PBX1: variants seen among roughly 807,000 people sequenced by gnomAD.
The protein encoded by PBX1 is PBX homeobox 1.
In PBX1, 6 loss-of-function variants were observed where a neutral mutation model predicts 53.4. The ratio of observed to expected loss-of-function variants is 0.11; its 90% CI spans 0.06 to 0.22. The LOEUF (loss-of-function observed/expected upper bound fraction) is 0.22. PBX1 is among the 10% of genes least tolerant of loss of function. The pLI, the probability that PBX1 is intolerant of heterozygous loss-of-function variation, is 1.00. For missense variants in PBX1, 251 were observed against 551.4 expected (o/e 0.46, Z 5.46); for synonymous variants, 204 against 212.3 (o/e 0.96, Z 0.34).
chr1:164,702,401 A>C (rs1663173549), intron 2 of PBX1, among the ~76,000 whole-genome samples: 1 of 152,130 alleles, frequency 6.6e-6, no homozygotes, highest in African/African-American at 2.4e-5. Flanking sequence ...TATTTGCATT[A>C]CCTCATTCTG....
chr1:164,656,733 T>G (rs780125672), intron 2 of PBX1, among the ~76,000 whole-genome samples: 9 of 152,122 alleles, frequency 5.9e-5, no homozygotes, highest in Admixed American at 6.5e-5. Flanking sequence ...AATGCTAAAA[T>G]GTACAGGAAA....
chr1:164,631,286 CTTTTTTT>C (rs987731570), intron 2 of PBX1, among the ~76,000 whole-genome samples: 1 of 140,480 alleles, frequency 7.1e-6, no homozygotes, highest in Admixed American at 7.2e-5. Context: ...TTTTTTTTTT[CTTTTTTT>C]TTTTTCTACA....
chr1:164,679,390 G>C (rs1661619581), intron 2 of PBX1, among the ~76,000 whole-genome samples: 2 of 152,200 alleles, frequency 1.3e-5, no homozygotes. Flanking sequence ...CTACTGGGTG[G>C]GAGGGGTGCT....
intron 2 of PBX1, among the ~76,000 whole-genome samples, chr1:164,612,796 T>C (rs1033665978): frequency 2.0e-5 from 3 of 152,122 alleles, no homozygotes; most frequent in African/African-American, 7.2e-5. Context: ...TGCTGGTGTC[T>C]CATGAGATGT....
intron 2 of PBX1, among the ~76,000 whole-genome samples, chr1:164,755,469 T>A (rs766360332): frequency 1.6e-4 from 24 of 152,184 alleles, no homozygotes; most frequent in Admixed American, 7.2e-4. Flanking sequence ...GGTTATTTTT[T>A]AAAATGTACT....
chr1:164,860,126 T>C (rs1672063832), intron 2 of PBX1, among the ~76,000 whole-genome samples: 1 of 152,198 alleles, frequency 6.6e-6, no homozygotes, highest in African/African-American at 2.4e-5. Flanking sequence ...GGAAGGATGC[T>C]AGGCAGGAAT....
chr1:164,660,486 G>A (rs1389338303), intron 2 of PBX1, among the ~76,000 whole-genome samples: 1 of 152,228 alleles, frequency 6.6e-6, no homozygotes, highest in Non-Finnish European at 1.5e-5. Flanking sequence ...GGGATAAAGT[G>A]TAGGACCTGT....
chr1:164,822,944 G>T (rs886502180), intron 8 of PBX1, among the ~76,000 whole-genome samples: 2 of 152,158 alleles, frequency 1.3e-5, no homozygotes, highest in Admixed American at 1.3e-4. Flanking sequence ...TAGCTGCTTG[G>T]TAAGGATGTT....
chr1:164,713,180 C>T (rs1199132354), intron 2 of PBX1, among the ~76,000 whole-genome samples: 1 of 152,142 alleles, frequency 6.6e-6, no homozygotes, highest in African/African-American at 2.4e-5. Flanking sequence ...GAAGTTTCTG[C>T]CTCTTGGTAA....
intron 2 of PBX1, among the ~76,000 whole-genome samples, chr1:164,862,118 G>A (rs1672115176): frequency 6.6e-6 from 1 of 152,194 alleles, no homozygotes. Flanking sequence ...AGACCACAGG[G>A]AAGCAGGTTT....
chr1:164,774,772 G>T, intron 2 of PBX1: 1 of 152,264 alleles, frequency 6.6e-6, no homozygotes, highest in African/African-American at 2.4e-5. Flanking sequence ...CTCAACTGCT[G>T]TCTCCCAGTG....
At chr1:164,651,384 A>G (rs137900258) in intron 2 of PBX1, among the ~76,000 whole-genome samples, 30 of 151,800 alleles carry the variant, frequency 2.0e-4, no homozygotes, top group South Asian at 1.7e-3. Context: ...CACTGCTGAC[A>G]GTCCTCATGT....
At chr1:164,734,196 C>T (rs575830925) in intron 2 of PBX1, among the ~76,000 whole-genome samples, 2 of 152,278 alleles carry the variant, frequency 1.3e-5, no homozygotes, top group African/African-American at 2.4e-5. Context: ...GGAGTTATCT[C>T]CTTTCTCATT....
chr1:164,799,470 G>T (rs577610527), intron 3 of PBX1, among the ~76,000 whole-genome samples: 10 of 152,216 alleles, frequency 6.6e-5, no homozygotes, highest in Non-Finnish European at 1.2e-4. Context: ...CAGCCTGGGC[G>T]ACCGAGCGAG....
chr1:164,720,715 C>T (rs574974384), intron 2 of PBX1, among the ~76,000 whole-genome samples: 18 of 152,278 alleles, frequency 1.2e-4, no homozygotes, highest in African/African-American at 4.3e-4. Flanking sequence ...ATCATTAGAC[C>T]TGCCTCCAGG....
chr1:164,840,356 G>A (rs1571509218), intron 8 of PBX1, among the ~76,000 whole-genome samples: 1 of 79,002 alleles, frequency 1.3e-5, no homozygotes, highest in African/African-American at 5.7e-5. Context: ...TAAAATTACA[G>A]TGTAACAGGG....
intron 2 of PBX1, among the ~76,000 whole-genome samples, chr1:164,779,944 C>T (rs1667850680): frequency 6.6e-6 from 1 of 152,192 alleles, no homozygotes; most frequent in African/African-American, 2.4e-5. Context: ...AAATAAGGCC[C>T]AGCCTCAGGG....
intron 2 of PBX1, among the ~76,000 whole-genome samples, chr1:164,665,361 T>C (rs1382048640): frequency 2.0e-5 from 3 of 152,204 alleles, no homozygotes; most frequent in Non-Finnish European, 2.9e-5. Context: ...CTCAGCTCAC[T>C]GTAACCTCTA....
intron 2 of PBX1, among the ~76,000 whole-genome samples, chr1:164,727,126 G>C (rs1263073765): frequency 6.6e-6 from 1 of 152,158 alleles, no homozygotes; most frequent in East Asian, 1.9e-4. Flanking sequence ...TGAAGATGTT[G>C]ACCCTTTAGC....
Sources: allele counts gnomAD v4.1 joint callset (sites outside exome capture counted in the v4.1 genomes callset), GRCh38; gene constraint gnomAD v4.1.1; transcripts MANE v1.5; gene names NCBI Gene and HGNC (gene_info 2026-07-23, HGNC 2026-07-21).